Variants in GHR observed in about 807,000 individuals in gnomAD.
GHR encodes the protein growth hormone receptor.
GHR carries 35 observed loss-of-function variants against 67.1 expected under a neutral mutation model. The ratio of observed to expected loss-of-function variants is 0.52; its 90% CI spans 0.40 to 0.69. The LOEUF is 0.69. GHR is among the 30% of genes least tolerant of loss of function. The pLI, the probability that GHR is intolerant of heterozygous loss-of-function variation, is 0.00. For missense variants in GHR, 792 were observed against 764.6 expected (o/e 1.04, Z -0.42); for synonymous variants, 272 against 269.1 (o/e 1.01, Z -0.10).
intron 2 of GHR, among the ~76,000 whole-genome samples, chr5:42,601,885 T>A (rs1752392793): frequency 6.6e-6 from 1 of 152,136 alleles, no homozygotes; most frequent in South Asian, 2.1e-4. Context: ...ATTATATGAT[T>A]TGTAATTCAA....
At chr5:42,483,792 A>G (rs1745761112) in intron 1 of GHR, among the ~76,000 whole-genome samples, 1 of 152,228 alleles carries the variant, frequency 6.6e-6, no homozygotes, top group African/African-American at 2.4e-5. Context: ...TGTATGGTCA[A>G]TTTAGCCAGG....
intron 1 of GHR, among the ~76,000 whole-genome samples, chr5:42,493,852 C>A (rs1030636961): frequency 6.6e-6 from 1 of 152,172 alleles, no homozygotes; most frequent in African/African-American, 2.4e-5. Flanking sequence ...AGTCATGCTG[C>A]AAACCCTCCA....
intron 1 of GHR, among the ~76,000 whole-genome samples, chr5:42,437,966 C>T (rs1381581933): frequency 6.6e-6 from 1 of 151,728 alleles, no homozygotes; most frequent in East Asian, 1.9e-4. Context: ...AGAAATTCCT[C>T]TGATTTCTAG....
At chr5:42,528,717 C>G (rs1486137231) in intron 1 of GHR, among the ~76,000 whole-genome samples, 1 of 152,128 alleles carries the variant, frequency 6.6e-6, no homozygotes, top group East Asian at 1.9e-4. Flanking sequence ...ACATGCTACA[C>G]AGAAATCTTT....
intron 2 of GHR, among the ~76,000 whole-genome samples, chr5:42,576,098 A>ATAAAATAAAATAAAG (rs1750683674): frequency 1.3e-5 from 1 of 79,918 alleles, no homozygotes; most frequent in Non-Finnish European, 2.7e-5. Flanking sequence ...ATAAAATAAA[A>ATAAAATAAAATAAAG]TAAATAAAAT....
intron 3 of GHR, among the ~76,000 whole-genome samples, chr5:42,682,182 C>T (rs905560499): frequency 3.3e-5 from 5 of 152,176 alleles, no homozygotes; most frequent in African/African-American, 1.2e-4. Context: ...GAAAACCAAA[C>T]ACCACATGTG....
intron 3 of GHR, among the ~76,000 whole-genome samples, chr5:42,666,408 A>C (rs1755981240): frequency 6.6e-6 from 1 of 152,190 alleles, no homozygotes; most frequent in Non-Finnish European, 1.5e-5. Context: ...AAATCTTCAG[A>C]ATCTGGGTGT....
At chr5:42,453,692 T>C (rs1200540226) in intron 1 of GHR, among the ~76,000 whole-genome samples, 1 of 152,210 alleles carries the variant, frequency 6.6e-6, no homozygotes, top group East Asian at 1.9e-4. Context: ...ATCTGGGGTT[T>C]GCTCCTCTTG....
chr5:42,494,257 A>G (rs1746230353), intron 1 of GHR, among the ~76,000 whole-genome samples: 1 of 152,066 alleles, frequency 6.6e-6, no homozygotes, highest in East Asian at 1.9e-4. Context: ...CGGCAACCAT[A>G]TCCTGGCTAA....
At chr5:42,464,357 T>A (rs2112065409) in intron 1 of GHR, among the ~76,000 whole-genome samples, 1 of 152,338 alleles carries the variant, frequency 6.6e-6, no homozygotes, top group South Asian at 2.1e-4. Context: ...AAGCAGAAAG[T>A]TGTAAGTTTG....
At chr5:42,492,724 T>A (rs780060284) in intron 1 of GHR, among the ~76,000 whole-genome samples, 38 of 152,222 alleles carry the variant, frequency 2.5e-4, no homozygotes, top group Non-Finnish European at 5.1e-4. Context: ...AATGGTTAAA[T>A]ATCACTTTAG....
At chr5:42,643,425 A>C (rs1339246567) in intron 3 of GHR, among the ~76,000 whole-genome samples, 1 of 152,184 alleles carries the variant, frequency 6.6e-6, no homozygotes, top group Non-Finnish European at 1.5e-5. Context: ...CTAATGACTA[A>C]AGGAATACAT....
At position 42,681,001 on chromosome 5, in the gene GHR, A is replaced by T. The variant is rs561292463; in HGVS notation, c.137-7889A>T. Among the ~76,000 whole-genome samples, 115 of 152,300 alleles carry T rather than the reference A, an allele frequency of 7.6e-4. 1 individual carries two copies. The highest frequency in any genetic ancestry group is 1.2e-3 in the Non-Finnish European group (80 of 68,026). ...ACTTAAATGTTAGGCCTAAAACCAT[A>T]AAAACCCTAGAAGAAAACCTAGGCA... On this transcript the variant is annotated intron_variant, in intron 3 of 9. Transcript: ENST00000230882.
chr5:42,565,015 A>G (rs1749845827), intron 1 of GHR, among the ~76,000 whole-genome samples: 1 of 152,108 alleles, frequency 6.6e-6, no homozygotes, highest in South Asian at 2.1e-4. Flanking sequence ...ACCCTGGTAT[A>G]TTTTTTCTAG....
At chr5:42,428,000 T>C (rs1742928353) in intron 1 of GHR, among the ~76,000 whole-genome samples, 1 of 152,218 alleles carries the variant, frequency 6.6e-6, no homozygotes, top group Admixed American at 6.5e-5. Context: ...TGCTGGGGAA[T>C]GGTGGCCCTC....
At chr5:42,691,032 C>A (rs1186927880) in intron 4 of GHR, among the ~76,000 whole-genome samples, 1 of 152,108 alleles carries the variant, frequency 6.6e-6, no homozygotes, top group Non-Finnish European at 1.5e-5. Flanking sequence ...GGAATGAAGC[C>A]TTGATAAATA....
intron 1 of GHR, chr5:42,565,536 C>T: frequency 1.0e-6 from 1 of 985,342 alleles, no homozygotes; most frequent in South Asian, 4.7e-5. Flanking sequence ...TTAAAGCAAA[C>T]CTTACTGGCC....
In GHR at chr5:42,579,138, GATGATAGATAGAT is replaced by G. The variant is rs1750985580; in HGVS notation, c.70+13197_70+13209del. 3.0e-3 allele frequency among the ~76,000 whole-genome samples: 133 copies of G among 44,566 alleles called. 1 individual carries two copies. Among genetic ancestry groups the G allele is most frequent in the South Asian group, 0.016 (32 of 1,948 alleles). The allele number at this position is 44,566 out of a possible 152,430, so 29.2% of individuals were successfully genotyped here. A position where few individuals can be genotyped will look rare whatever the true frequency, so the allele number is the denominator to read the frequency against. ...AGATAGATAGATAGATAGATAGATA[GATGATAGATAGAT>G]ATAGATAGATAGATAGATAGATAGA... On this transcript the variant is annotated intron_variant, in intron 2 of 9. Transcript: ENST00000230882.
rs969407501 is a variant in GHR, at chr5:42,534,160, A to G, written c.-11-31704A>G. Among the ~76,000 whole-genome samples the G allele has an allele frequency of 1.0e-4, 10 of 96,204 alleles. 1 individual carries two copies. Among genetic ancestry groups the G allele is most frequent in the Non-Finnish European group, 1.6e-4 (7 of 44,184 alleles). The allele number at this position is 96,204 out of a possible 152,430, so 63.1% of individuals were successfully genotyped here. ...CATATGTATATATGTATGTATATAT[A>G]TGTACATATGTATATATGTATGTAT... On this transcript the variant is annotated intron_variant, in intron 1 of 9. Transcript: ENST00000230882.
Sources: allele counts gnomAD v4.1 joint callset (sites outside exome capture counted in the v4.1 genomes callset), GRCh38; gene constraint gnomAD v4.1.1; transcripts MANE v1.5; gene names NCBI Gene and HGNC (gene_info 2026-07-23, HGNC 2026-07-21).